The following ASTN1 variants were observed in gnomAD, a reference collection of about 807,000 sequenced individuals.
ASTN1 encodes astrotactin 1.
ASTN1 carries 41 observed loss-of-function variants against 140.7 expected under a neutral mutation model. The ratio of observed to expected loss-of-function variants is 0.29; its 90% CI spans 0.23 to 0.38. ASTN1 has a LOEUF of 0.38. ASTN1 is among the 10% of genes least tolerant of loss of function. The probability of loss-of-function intolerance (pLI) is 1.00; values close to 1 mark genes in which losing one functional copy is unlikely to be tolerated. For missense variants in ASTN1, 1,479 were observed against 1,678.8 expected (o/e 0.88, Z 2.08); for synonymous variants, 640 against 652.2 (o/e 0.98, Z 0.29).
intron 16 of ASTN1, among the ~76,000 whole-genome samples, chr1:176,916,320 T>A (rs1670479447): frequency 6.6e-6 from 1 of 152,024 alleles, no homozygotes. Flanking sequence ...GAGTTGGGGG[T>A]AGACACCCCA....
chr1:177,090,971 A>G (rs1229173033), intron 1 of ASTN1, among the ~76,000 whole-genome samples: 1 of 152,170 alleles, frequency 6.6e-6, no homozygotes, highest in Non-Finnish European at 1.5e-5. Context: ...AATATTTATA[A>G]GAAGCTGAAG....
intron 1 of ASTN1, among the ~76,000 whole-genome samples, chr1:177,124,215 G>A (rs1273993356): frequency 6.6e-6 from 1 of 152,094 alleles, no homozygotes; most frequent in Non-Finnish European, 1.5e-5. Flanking sequence ...ATCCCAGTTA[G>A]GATCCTCAGC....
intron 7 of ASTN1, among the ~76,000 whole-genome samples, chr1:177,018,212 A>G (rs138054537): frequency 7.7e-4 from 118 of 152,326 alleles, no homozygotes; most frequent in African/African-American, 2.6e-3. Flanking sequence ...GAAGTGTGCC[A>G]AAAGAACATC....
intron 8 of ASTN1, among the ~76,000 whole-genome samples, chr1:176,980,002 C>T (rs1301060823): frequency 6.6e-6 from 1 of 152,048 alleles, no homozygotes; most frequent in Non-Finnish European, 1.5e-5. Flanking sequence ...TTAGGAAGTA[C>T]AGGCAGTGAA....
intron 7 of ASTN1, among the ~76,000 whole-genome samples, chr1:177,020,273 C>T (rs1262976487): frequency 1.3e-5 from 2 of 152,190 alleles, no homozygotes; most frequent in African/African-American, 2.4e-5. Flanking sequence ...AAACAACATA[C>T]ATTTATTATC....
rs904545728 is a variant in ASTN1, at chr1:176,862,802, T to A, written c.*1482A>T. The A allele has an allele frequency of 2.0e-6, 2 of 984,650 alleles. No individual in the cohort carries two copies. Among genetic ancestry groups the A allele is most frequent in the Non-Finnish European group, 2.4e-6 (2 of 829,362 alleles). The allele number at this position is 984,650 out of a possible 1,614,324, so 61.0% of individuals were successfully genotyped here. A position where few individuals can be genotyped will look rare whatever the true frequency, so the allele number is the denominator to read the frequency against. ...TCAGCGCCTGGCATACAGCAAGCAC[T>A]CAATAAATGTTATCTGTCACTACTA... On this transcript the variant is annotated 3_prime_UTR_variant, in exon 23 of 23. Transcript: ENST00000361833.
intron 1 of ASTN1, among the ~76,000 whole-genome samples, chr1:177,091,560 G>T (rs1679753595): frequency 1.3e-5 from 2 of 152,022 alleles, no homozygotes; most frequent in African/African-American, 4.8e-5. Flanking sequence ...GATATAATTT[G>T]CATACCATAA....
rs545062152 is a variant in ASTN1 at position 177,129,307 on chromosome 1, C to G, written c.283+35087G>C. ...GGGACCACTCATGAATGGAAGAGATCATTATAGTTTCAAAATCAAACTACA... is the reference window on the plus strand; with the variant it reads ...GGGACCACTCATGAATGGAAGAGATGATTATAGTTTCAAAATCAAACTACA... On this transcript the variant is annotated intron_variant, in intron 1 of 22. Transcript: ENST00000361833. Among the ~76,000 whole-genome samples the G allele has an allele frequency of 3.0e-3, 458 of 152,246 alleles. 1 individual carries two copies. Among genetic ancestry groups the G allele is most frequent in the African/African-American group, 8.4e-3 (347 of 41,552 alleles).
At chr1:177,046,502 G>T (rs1677230895) in intron 2 of ASTN1, among the ~76,000 whole-genome samples, 1 of 152,162 alleles carries the variant, frequency 6.6e-6, no homozygotes, top group African/African-American at 2.4e-5. Flanking sequence ...TGAGTCAGGG[G>T]CTTCCTGGAC....
intron 21 of ASTN1, among the ~76,000 whole-genome samples, chr1:176,871,384 C>A (rs1402462000): frequency 2.0e-5 from 3 of 152,268 alleles, no homozygotes; most frequent in East Asian, 3.9e-4. Context: ...TGCACTGGTG[C>A]CAATCTGTGC....
At chr1:176,876,379 T>A (rs1311006947) in intron 21 of ASTN1, among the ~76,000 whole-genome samples, 158 bp downstream of exon 21, 1 of 152,146 alleles carries the variant, frequency 6.6e-6, no homozygotes, top group Non-Finnish European at 1.5e-5. Flanking sequence ...GAGTATTATT[T>A]CTGGAAAGGC....
intron 1 of ASTN1, among the ~76,000 whole-genome samples, chr1:177,089,910 A>T (rs1248364601): frequency 2.6e-5 from 4 of 152,094 alleles, no homozygotes; most frequent in Non-Finnish European, 5.9e-5. Context: ...TCAATTAATA[A>T]AATAGGGCAT....
intron 16 of ASTN1, among the ~76,000 whole-genome samples, chr1:176,922,038 G>A (rs1204752014): frequency 6.6e-6 from 1 of 152,200 alleles, no homozygotes; most frequent in African/African-American, 2.4e-5. Context: ...AGTAGGAAGA[G>A]AATTCAGAGA....
intron 2 of ASTN1, among the ~76,000 whole-genome samples, chr1:177,045,324 G>T (rs1161978277): frequency 5.9e-5 from 9 of 152,216 alleles, no homozygotes; most frequent in Non-Finnish European, 1.2e-4. Flanking sequence ...CTAGCACGGG[G>T]CTGACACTCA....
intron 8 of ASTN1, among the ~76,000 whole-genome samples, chr1:177,013,546 G>A (rs926171904): frequency 1.3e-5 from 2 of 152,126 alleles, no homozygotes; most frequent in Non-Finnish European, 2.9e-5. Flanking sequence ...TGCTTTGAGA[G>A]TCCAGAACTA....
At chr1:176,916,336 G>A (rs960852414) in intron 16 of ASTN1, among the ~76,000 whole-genome samples, 1 of 152,186 alleles carries the variant, frequency 6.6e-6, no homozygotes, top group Middle Eastern at 3.2e-3. Context: ...CCCCAGAAAG[G>A]TGAGTGCTGC....
intron 1 of ASTN1, among the ~76,000 whole-genome samples, chr1:177,135,852 C>T (rs1343558051): frequency 6.6e-6 from 1 of 152,148 alleles, no homozygotes; most frequent in Admixed American, 6.5e-5. Context: ...TTGGTCCCCA[C>T]CCCAAAAGTA....
At chr1:176,966,224 T>A (rs1672877194) in intron 8 of ASTN1, among the ~76,000 whole-genome samples, 1 of 152,236 alleles carries the variant, frequency 6.6e-6, no homozygotes, top group Non-Finnish European at 1.5e-5. Context: ...GAATAAATTA[T>A]AATTATTATT....
chr1:177,139,461 C>T (rs1015619097), intron 1 of ASTN1, among the ~76,000 whole-genome samples: 11 of 152,130 alleles, frequency 7.2e-5, no homozygotes, highest in African/African-American at 1.2e-4. Context: ...AACCAAATTA[C>T]GGCCAATGCA....
Sources: allele counts gnomAD v4.1 joint callset (sites outside exome capture counted in the v4.1 genomes callset), GRCh38; gene constraint gnomAD v4.1.1; transcripts MANE v1.5; gene names NCBI Gene and HGNC (gene_info 2026-07-23, HGNC 2026-07-21).